CDH12: variants seen among roughly 807,000 people sequenced by gnomAD.
CDH12 encodes cadherin-12.
A neutral mutation model predicts 74.1 loss-of-function variants in CDH12; 41 were observed. That is an observed-to-expected ratio of 0.55 (90% CI 0.43 to 0.72). The LOEUF is 0.72. Ranked by LOEUF, CDH12 falls within the 30% of genes least tolerant of loss-of-function variation. The probability of loss-of-function intolerance (pLI) is 0.00; values close to 1 mark genes in which losing one functional copy is unlikely to be tolerated. For synonymous variants in CDH12, 399 were observed against 355.0 expected, an observed-to-expected ratio of 1.12 and a Z score of -1.39; for missense variants, 945 against 977.2, an observed-to-expected ratio of 0.97 and a Z score of 0.44.
intron 12 of CDH12, among the ~76,000 whole-genome samples, chr5:21,761,584 G>C (rs769527658): frequency 1.3e-5 from 2 of 152,072 alleles, no homozygotes; most frequent in Non-Finnish European, 2.9e-5. Flanking sequence ...GTCCCAGTGT[G>C]TAAAGCATGC....
chr5:22,032,887 A>C (rs1300951781), intron 5 of CDH12, among the ~76,000 whole-genome samples: 1 of 151,350 alleles, frequency 6.6e-6, no homozygotes, highest in Admixed American at 6.6e-5. Context: ...TTCAAGGTGC[A>C]GTGAAGCAGA....
chr5:21,907,689 T>C (rs568980466), intron 6 of CDH12, among the ~76,000 whole-genome samples: 260 of 152,314 alleles, frequency 1.7e-3, no homozygotes, highest in African/African-American at 5.8e-3. Flanking sequence ...AGGATATTGG[T>C]AGAAATAGGA....
chr5:21,857,914 C>T (rs577462844), intron 6 of CDH12, among the ~76,000 whole-genome samples: 39 of 151,848 alleles, frequency 2.6e-4, no homozygotes, highest in African/African-American at 7.5e-4. Flanking sequence ...TGGCTTCTCA[C>T]TGTGTTCTCC....
intron 3 of CDH12, among the ~76,000 whole-genome samples, chr5:22,331,644 C>G (rs746433208): frequency 3.3e-5 from 5 of 152,102 alleles, no homozygotes; most frequent in African/African-American, 7.2e-5. Context: ...AAAACATGAC[C>G]TCACCAAATG....
chr5:22,404,343 T>C (rs1742851650), intron 3 of CDH12, among the ~76,000 whole-genome samples: 1 of 152,244 alleles, frequency 6.6e-6, no homozygotes, highest in East Asian at 1.9e-4. Context: ...CTTTCCAATA[T>C]ACAGTCTCTA....
At chr5:22,021,545 T>C (rs914607518) in intron 5 of CDH12, among the ~76,000 whole-genome samples, 11 of 152,306 alleles carry the variant, frequency 7.2e-5, no homozygotes, top group Admixed American at 7.2e-4. Context: ...TTTTCAACTT[T>C]ACAATTATGT....
chr5:22,158,470 T>C (rs6452061), intron 4 of CDH12, among the ~76,000 whole-genome samples: 149,289 of 152,092 alleles, frequency 0.98, 73,328 homozygotes, highest in East Asian at 1. Context: ...TACAACACAG[T>C]TCCATTTTAT....
At chr5:22,709,575 A>C (rs1006352463) in intron 1 of CDH12, among the ~76,000 whole-genome samples, 1 of 152,212 alleles carries the variant, frequency 6.6e-6, no homozygotes, top group Non-Finnish European at 1.5e-5. Context: ...TGTTGTATAC[A>C]TGGGCTATTT....
intron 3 of CDH12, among the ~76,000 whole-genome samples, chr5:22,270,400 C>G (rs535001521): frequency 2.6e-5 from 4 of 151,940 alleles, no homozygotes; most frequent in African/African-American, 9.6e-5. Flanking sequence ...TCGAGACCAT[C>G]CTGGATAACA....
rs113085683 is a variant in CDH12 at position 22,275,429 on chromosome 5, C to T, written c.-332-62786G>A. Among the ~76,000 whole-genome samples, 1,108 of 151,996 alleles carry T rather than the reference C, an allele frequency of 7.3e-3. 15 individuals carry two copies. In the South Asian group the frequency reaches 0.076, roughly 10 times the overall value. ...TACTCACATTTAATTTTTTAGTGAA[C>T]TCAATCATGTTATGAAAATGAAACG... On this transcript the variant is annotated intron_variant, in intron 3 of 14. Coordinates refer to ENST00000382254, the MANE Select transcript of CDH12 (RefSeq NM_004061.5).
At chr5:21,979,831 T>G (rs146695513) in intron 5 of CDH12, among the ~76,000 whole-genome samples, 2,757 of 152,088 alleles carry the variant, frequency 0.018, 44 homozygotes, top group African/African-American at 0.041. Context: ...AAAATGGTAT[T>G]TCTAGTTCTA....
At chr5:22,411,711 T>C (rs1290827467) in intron 2 of CDH12, among the ~76,000 whole-genome samples, 1 of 152,036 alleles carries the variant, frequency 6.6e-6, no homozygotes, top group African/African-American at 2.4e-5. Context: ...TTTGCTGATA[T>C]ATTTTAGAAA....
At chr5:22,300,291 G>C (rs1737820546) in intron 3 of CDH12, among the ~76,000 whole-genome samples, 1 of 152,232 alleles carries the variant, frequency 6.6e-6, no homozygotes, top group Middle Eastern at 3.4e-3. Flanking sequence ...CATTTATTAG[G>C]AATCCACCAT....
intron 2 of CDH12, among the ~76,000 whole-genome samples, chr5:22,465,043 A>T (rs2662508): frequency 1.7e-4 from 20 of 115,122 alleles, no homozygotes; most frequent in Admixed American, 2.8e-4. Context: ...GAGGGGGGGA[A>T]GGGAGGAAGG....
intron 1 of CDH12, among the ~76,000 whole-genome samples, chr5:22,690,625 G>GA (rs1487628196): frequency 6.6e-6 from 1 of 152,078 alleles, no homozygotes; most frequent in Non-Finnish European, 1.5e-5. Flanking sequence ...TAAATGAGCT[G>GA]AAAAATACAA....
At chr5:22,065,294 C>T (rs1224796184) in intron 5 of CDH12, among the ~76,000 whole-genome samples, 1 of 152,070 alleles carries the variant, frequency 6.6e-6, no homozygotes, top group Non-Finnish European at 1.5e-5. Context: ...TTTACCCAGA[C>T]AGAAATCTGG....
intron 3 of CDH12, among the ~76,000 whole-genome samples, chr5:22,269,850 A>G (rs1386759727): frequency 6.6e-6 from 1 of 152,202 alleles, no homozygotes; most frequent in Admixed American, 6.6e-5. Flanking sequence ...TGTACCACAT[A>G]CATGTCTTGC....
chr5:22,034,260 G>T (rs1739022678), intron 5 of CDH12, among the ~76,000 whole-genome samples: 1 of 152,196 alleles, frequency 6.6e-6, no homozygotes. Flanking sequence ...GTATCAGACT[G>T]CTGGCATCAG....
intron 2 of CDH12, among the ~76,000 whole-genome samples, chr5:22,429,518 A>T (rs1744079576): frequency 6.6e-6 from 1 of 152,078 alleles, no homozygotes; most frequent in Non-Finnish European, 1.5e-5. Flanking sequence ...TTTAGCTATT[A>T]CTAGTTATGC....
Sources: allele counts gnomAD v4.1 joint callset (sites outside exome capture counted in the v4.1 genomes callset), GRCh38; gene constraint gnomAD v4.1.1; transcripts MANE v1.5; gene names NCBI Gene and HGNC (gene_info 2026-07-23, HGNC 2026-07-21).